The following NLRP1 variants were observed in gnomAD, a reference collection of about 807,000 sequenced individuals.
NLRP1 encodes the protein NLR family pyrin domain containing 1.
NLRP1 carries 94 observed loss-of-function variants against 136.7 expected under a neutral mutation model. The observed-to-expected ratio is 0.69, with a 90% CI of 0.58 to 0.82. NLRP1 has a LOEUF of 0.82. Ranked by LOEUF, NLRP1 falls within the 40% of genes least tolerant of loss-of-function variation. The probability of loss-of-function intolerance (pLI) is 0.00; values close to 1 mark genes in which losing one functional copy is unlikely to be tolerated. For missense variants in NLRP1, 1,575 were observed against 1,802.7 expected (o/e 0.87, Z 2.29); for synonymous variants, 690 against 725.1 (o/e 0.95, Z 0.78).
chr17:5,527,032 A>G (rs550989536), intron 12 of NLRP1, among the ~76,000 whole-genome samples: 74 of 152,234 alleles, frequency 4.9e-4, no homozygotes, highest in Admixed American at 9.8e-4. Flanking sequence ...GCTGCAGCCC[A>G]GACAGCAGGC....
Position 5,533,321 on chromosome 17 carries a change from G to C in NLRP1, c.3116C>G (p.Pro1039Arg). ...GCTCTTGCCTGCAATCTCAGCAATT[G>C]GGAAGATCTTGCTCACGTCCAGGAG... is the stretch of plus-strand genomic sequence containing the variant. ...LKLLDVSKIF[P>R]IAEIAEESSP... The change falls in exon 10 of 17, where the codon CCA becomes CGA. Residue 1039 changes from proline to arginine, a missense_variant. Transcript: ENST00000572272. 4 of 1,526,974 alleles carry C rather than the reference G, an allele frequency of 2.6e-6. No individual in the cohort carries two copies. The highest frequency in any genetic ancestry group is 3.6e-6 in the Non-Finnish European group (4 of 1,124,386). 94.6% of individuals were successfully genotyped at this position (1,526,974 alleles called of 1,614,324 possible). A position where few individuals can be genotyped will look rare whatever the true frequency, so the allele number is the denominator to read the frequency against.
chr17:5,509,008 T>C (rs891227867), intron 15 of NLRP1, among the ~76,000 whole-genome samples: 1 of 152,216 alleles, frequency 6.6e-6, no homozygotes, highest in Non-Finnish European at 1.5e-5. Flanking sequence ...ATGGTCTGAT[T>C]CATGCCCACG....
intron 12 of NLRP1, among the ~76,000 whole-genome samples, chr17:5,527,542 A>G (rs1909713585): frequency 6.6e-6 from 1 of 152,196 alleles, no homozygotes; most frequent in Admixed American, 6.5e-5. Context: ...ACTCTGGAAG[A>G]GGGTCTTCAC....
chr17:5,560,250 G>C (rs986125416), intron 3 of NLRP1, among the ~76,000 whole-genome samples: 2 of 152,190 alleles, frequency 1.3e-5, no homozygotes, highest in Non-Finnish European at 2.9e-5. Context: ...CACACTCCCT[G>C]AATGACTTTC....
Position 5,537,402 on chromosome 17 carries a change from C to T in NLRP1, c.2871-462G>A, listed in dbSNP as rs1413495979. ...TGGCCTCAAAATGACCACCTCAGGC[C>T]TGGGTCCTGGGATTTTCTTCCCAGT... On this transcript the variant is annotated intron_variant, in intron 7 of 16. Transcript: ENST00000572272. The surrounding 1 kb of genome is among the most constrained non-coding windows in gnomAD (Gnocchi z 4.5). 6.6e-6 allele frequency among the ~76,000 whole-genome samples: 1 copy of T among 152,184 alleles called. No homozygotes were observed. The highest frequency in any genetic ancestry group is 1.5e-5 in the Non-Finnish European group (1 of 68,036).
chr17:5,522,434 T>G (rs1457518398), intron 12 of NLRP1, among the ~76,000 whole-genome samples: 1 of 152,232 alleles, frequency 6.6e-6, no homozygotes, highest in African/African-American at 2.4e-5. Context: ...AGGCTCCATG[T>G]ATGAGGAATG....
Position 5,533,938 on chromosome 17 carries a change from C to G in NLRP1, c.3011G>C (p.Ser1004Thr), listed in dbSNP as rs1414163601. The change falls in exon 9 of 17, where the codon AGT (serine) becomes ACT (threonine). Residue 1004 changes from serine to threonine, a missense_variant. By Grantham distance (58) the Ser-to-Thr change is moderately conservative (BLOSUM62 1). Coordinates refer to ENST00000572272, the MANE Select transcript of NLRP1 (RefSeq NM_033004.4). ...CCGCTTGAGTGAGGATGTGCTATTA[C>G]TCATCTCTCCCGTATCCAGGCCCTC... The part of the protein sequence containing the change: ...PTEGLDTGEM[S>T]NSTSSLKRQR... 1 of 1,613,490 alleles carries G rather than the reference C, an allele frequency of 6.2e-7. No homozygotes were observed. The highest frequency in any genetic ancestry group is 1.7e-5 in the Admixed American group (1 of 59,990).
chr17:5,571,148 A>T (rs1259827709), intron 3 of NLRP1, among the ~76,000 whole-genome samples: 1 of 152,254 alleles, frequency 6.6e-6, no homozygotes, highest in African/African-American at 2.4e-5. Context: ...ACCACAGCCA[A>T]CATCACACTG....
At position 5,558,812 on chromosome 17, in the gene NLRP1, CTCT is replaced by C. The variant is rs754997257; in HGVS notation, c.1881_1883del (p.Glu628del). On this transcript the variant is annotated inframe_deletion, in exon 4 of 17. Transcript: ENST00000572272. ...AGACATAGGACATTGCTGCAAAGAA[CTCT>C]TGGAAACAGAGGTGAATGAAGCTGT... is the stretch of plus-strand genomic sequence containing the variant. 1 of 1,614,170 alleles carries C rather than the reference CTCT, an allele frequency of 6.2e-7. No homozygotes were observed. Among genetic ancestry groups the C allele is most frequent in the Admixed American group, 1.7e-5 (1 of 60,022 alleles).
At chr17:5,582,912 G>A (rs1597492655) in intron 1 of NLRP1, 66 bp from the exon 2 acceptor site, 1 of 1,323,452 alleles carries the variant, frequency 7.6e-7, no homozygotes, top group East Asian at 2.4e-5. Context: ...CCAGGGAACT[G>A]AGCTGGTCTC....
At position 5,582,678 on chromosome 17, in the gene NLRP1, C is replaced by A. The variant is rs200634854; in HGVS notation, c.440G>T (p.Arg147Leu). 1.2e-6 allele frequency: 2 copies of A among 1,614,070 alleles called. No individual in the cohort carries two copies. The highest frequency in any genetic ancestry group is 2.2e-5 in the East Asian group (1 of 44,878). The change falls in exon 2 of 17, where the codon CGC (arginine) becomes CTC (leucine). Residue 147 changes from arginine to leucine, a missense_variant. Arg to Leu is a moderately radical substitution (Grantham distance 102). Transcript: ENST00000572272. Reference sequence around the variant, plus strand: ...GCCTCAGCAAGCCTCACCTCTCCAGCGGCGTCCAGATGTGTCAGGCAGCTG... The same window carrying A: ...GCCTCAGCAAGCCTCACCTCTCCAGAGGCGTCCAGATGTGTCAGGCAGCTG... ...LRQLPDTSGR[R>L]WREISASLLY...
chr17:5,525,407 C>A (rs531353693), intron 12 of NLRP1, among the ~76,000 whole-genome samples: 2 of 152,208 alleles, frequency 1.3e-5, no homozygotes, highest in African/African-American at 2.4e-5. Flanking sequence ...GCCGCATGCC[C>A]GGTGTTTGCC....
At chr17:5,557,661 A>T (rs1348951653) in intron 4 of NLRP1, among the ~76,000 whole-genome samples, 3 of 152,202 alleles carry the variant, frequency 2.0e-5, no homozygotes, top group Non-Finnish European at 4.4e-5. Context: ...ACATACCAAT[A>T]GCATGTGATC....
At chr17:5,519,126 C>A (rs1356034093) in intron 14 of NLRP1, among the ~76,000 whole-genome samples, 4 of 152,124 alleles carry the variant, frequency 2.6e-5, no homozygotes, top group Admixed American at 2.6e-4. Context: ...CCTCAGCCTC[C>A]CAAGTAGCTG....
chr17:5,529,925 T>G (rs1264851309), intron 12 of NLRP1: 1 of 450,526 alleles, frequency 2.2e-6, no homozygotes, highest in East Asian at 7.0e-5. Flanking sequence ...TAGCTGATAT[T>G]TCTTGGAACT....
intron 6 of NLRP1, among the ~76,000 whole-genome samples, chr17:5,540,832 C>G (rs34273465): frequency 0.047 from 7,192 of 152,114 alleles, 195 homozygotes; most frequent in Middle Eastern, 0.089. Context: ...TTGGGAAGGG[C>G]AGAGGTTTGG....
intron 12 of NLRP1, among the ~76,000 whole-genome samples, chr17:5,527,068 G>A (rs1374339584): frequency 6.6e-6 from 1 of 152,366 alleles, no homozygotes; most frequent in African/African-American, 2.4e-5. Context: ...AAGGGGCCCT[G>A]CCCGGCCCCA....
At chr17:5,535,048 C>T (rs1471424216) in intron 8 of NLRP1, among the ~76,000 whole-genome samples, 10 of 152,178 alleles carry the variant, frequency 6.6e-5, no homozygotes, top group South Asian at 4.2e-4. Flanking sequence ...GGTAAAACCC[C>T]GTCTCTACTA....
chr17:5,521,526 TC>T lies in NLRP1; in HGVS notation c.3780del (p.Lys1261ArgfsTer3), dbSNP rs773693136. The T allele has an allele frequency of 1.1e-5, 18 of 1,612,530 alleles. No individual in the cohort carries two copies. Among genetic ancestry groups the T allele is most frequent in the Non-Finnish European group, 1.5e-5 (18 of 1,179,180 alleles). On this transcript the variant is annotated frameshift_variant, in exon 13 of 17. Transcript: ENST00000572272. LOFTEE classifies it high-confidence loss of function. Reference protein sequence around the residue: ...LYLIPSDCSIRKAIDDLEMKF... With the variant: ...LYLIPSDCSIXKAIDDLEMKF... ...GCCTTTCTGGCTCTTAGTGTCACCT[TC>T]CGAATGGAGCAGTCACTTGGGATCA... is the stretch of plus-strand genomic sequence containing the variant.
Sources: gnomAD v4.1 joint callset for allele counts (sites outside exome capture counted in the v4.1 genomes callset) on GRCh38, gnomAD v4.1.1 for gene constraint, Gnocchi (gnomAD v3.1) non-coding constraint, MANE v1.5 for transcripts, NCBI Gene and HGNC (gene_info 2026-07-23, HGNC 2026-07-21) for gene names.